MSL2: variants seen among roughly 807,000 people sequenced by gnomAD.
MSL2 encodes the protein E3 ubiquitin-protein ligase MSL2.
In MSL2, 2 loss-of-function variants were observed where a neutral mutation model predicts 35.8. The observed-to-expected ratio is 0.06, with a 90% CI of 0.02 to 0.18. The LOEUF (loss-of-function observed/expected upper bound fraction) is 0.18, where lower values mean the gene tolerates loss of function less well. Among genes scored for constraint, MSL2 ranks in the 10% least tolerant of loss-of-function variants. The pLI, the probability that MSL2 is intolerant of heterozygous loss-of-function variation, is 1.00. For missense variants in MSL2, 523 were observed against 706.7 expected (o/e 0.74, Z 2.95); for synonymous variants, 296 against 255.7 (o/e 1.16, Z -1.50).
In MSL2 at chr3:136,151,715, G is replaced by A. The variant is rs955219097; in HGVS notation, c.1166C>T (p.Pro389Leu). The change falls in exon 2 of 2, where the codon CCC becomes CTC. Residue 389 changes from proline to leucine, a missense_variant. Pro to Leu is a moderately conservative substitution (Grantham distance 98). Coordinates refer to ENST00000309993, the MANE Select transcript of MSL2 (RefSeq NM_018133.4). This position sits in a 1 kb window ranked among gnomAD's most constrained non-coding sequence, Gnocchi z 5.2. ...GATTTTAGGTGTTGTGCCTCCATTG[G>A]GAACAGTTGCTATAGGTTGAAGAGA... The part of the protein sequence containing the change: ...KISLQPIATV[P>L]NGGTTPKISK... The A allele has an allele frequency of 6.2e-7, 1 of 1,614,060 alleles. No individual in the cohort carries two copies.
chr3:136,164,262 G>A (rs796824356), intron 1 of MSL2, among the ~76,000 whole-genome samples: 100 of 152,202 alleles, frequency 6.6e-4, no homozygotes, highest in African/African-American at 2.3e-3. Flanking sequence ...CAAAACCTCC[G>A]CTAACCATGG....
chr3:136,170,576 G>C (rs934436936), intron 1 of MSL2, among the ~76,000 whole-genome samples: 1 of 142,560 alleles, frequency 7.0e-6, no homozygotes, highest in Non-Finnish European at 1.5e-5. Flanking sequence ...GTGCAGTGGC[G>C]TGATCTCGGC....
intron 1 of MSL2, among the ~76,000 whole-genome samples, chr3:136,165,259 T>C (rs1321264938): frequency 6.7e-6 from 1 of 149,816 alleles, no homozygotes; most frequent in Non-Finnish European, 1.5e-5. Flanking sequence ...TTATCTGCAA[T>C]ATTTCACGAT....
At chr3:136,173,782 C>T (rs1377087835) in intron 1 of MSL2, among the ~76,000 whole-genome samples, 2 of 152,166 alleles carry the variant, frequency 1.3e-5, no homozygotes, top group Non-Finnish European at 2.9e-5. Flanking sequence ...AATCCAAAGA[C>T]TTTGGAATGA....
chr3:136,195,666 C>A lies in MSL2; in HGVS notation c.-553G>T, dbSNP rs887107437. ...GCTTCCCGGATCTAGTGCAAGACGCCGCGGCGGCGACGAAGGTTGATGTTG... is the reference window on the plus strand; with the variant it reads ...GCTTCCCGGATCTAGTGCAAGACGCAGCGGCGGCGACGAAGGTTGATGTTG... On this transcript the variant is annotated 5_prime_UTR_variant, in exon 1 of 2. Transcript: ENST00000309993. The A allele has an allele frequency of 1.0e-6, 1 of 979,886 alleles. No homozygotes were observed. Among genetic ancestry groups the A allele is most frequent in the Non-Finnish European group, 1.2e-6 (1 of 824,798 alleles). The allele number at this position is 979,886 out of a possible 1,614,324, so 60.7% of individuals were successfully genotyped here.
chr3:136,167,915 A>G (rs1939897206), intron 1 of MSL2, among the ~76,000 whole-genome samples: 1 of 152,226 alleles, frequency 6.6e-6, no homozygotes, highest in Non-Finnish European at 1.5e-5. Flanking sequence ...GGCATCCTAC[A>G]AAAGACAGGA....
At chr3:136,158,989 A>G (rs1043971024) in intron 1 of MSL2, among the ~76,000 whole-genome samples, 1 of 152,238 alleles carries the variant, frequency 6.6e-6, no homozygotes, top group Non-Finnish European at 1.5e-5. Flanking sequence ...TTAGAAGACT[A>G]CCAATATATT....
intron 1 of MSL2, among the ~76,000 whole-genome samples, chr3:136,162,091 A>G (rs1939721913): frequency 6.6e-6 from 1 of 151,654 alleles, no homozygotes; most frequent in African/African-American, 2.4e-5. Context: ...GGTGCCCGCC[A>G]CCACGCCTGG....
intron 1 of MSL2, among the ~76,000 whole-genome samples, chr3:136,165,453 A>T (rs538227085): frequency 3.8e-4 from 58 of 152,196 alleles, no homozygotes; most frequent in Non-Finnish European, 7.6e-4. Flanking sequence ...CAAGTCAGTC[A>T]ATTTTAAATT....
chr3:136,179,487 G>A (rs1224527410), intron 1 of MSL2, among the ~76,000 whole-genome samples: 1 of 152,204 alleles, frequency 6.6e-6, no homozygotes, highest in African/African-American at 2.4e-5. Flanking sequence ...AGCGAGGAAT[G>A]TGTATTTTGT....
chr3:136,166,108 G>A (rs1313376822), intron 1 of MSL2, among the ~76,000 whole-genome samples: 1 of 147,030 alleles, frequency 6.8e-6, no homozygotes, highest in Non-Finnish European at 1.5e-5. Context: ...AAAAAACTGG[G>A]CCAGGCACGA....
rs763194878 is a variant in MSL2 at position 136,151,164 on chromosome 3, T to C, written c.1717A>G (p.Met573Val). ...CCACTGATTTAACAGTCGAATCTCA[T>C]GTCTATAGCTTCATCCAAACTTTTA... is the stretch of plus-strand genomic sequence containing the variant. Reference protein sequence around the residue: ...DDKSLDEAIDMRFDC With the variant: ...DDKSLDEAIDVRFDC The change falls in exon 2 of 2, where the codon ATG (methionine) becomes GTG (valine). Residue 573 changes from methionine (M) to valine (V), a missense_variant. Transcript: ENST00000309993. The surrounding 1 kb of genome is among the most constrained non-coding windows in gnomAD (Gnocchi z 5.2). 2.5e-6 allele frequency: 4 copies of C among 1,611,930 alleles called. No individual in the cohort carries two copies. The highest frequency in any genetic ancestry group is 3.4e-6 in the Non-Finnish European group (4 of 1,178,070).
chr3:136,162,918 T>A (rs1047980484), intron 1 of MSL2, among the ~76,000 whole-genome samples: 5 of 152,006 alleles, frequency 3.3e-5, no homozygotes, highest in African/African-American at 2.4e-5. Flanking sequence ...TACAAAAGTG[T>A]TAGTGCATAC....
intron 1 of MSL2, among the ~76,000 whole-genome samples, chr3:136,175,613 G>C (rs1218306788): frequency 1.1e-4 from 16 of 152,180 alleles, no homozygotes; most frequent in Non-Finnish European, 1.5e-5. Flanking sequence ...TTAGAGTCCA[G>C]GAGTTCGAGG....
intron 1 of MSL2, among the ~76,000 whole-genome samples, chr3:136,192,290 G>C (rs890523966): frequency 1.1e-4 from 16 of 152,042 alleles, no homozygotes; most frequent in Admixed American, 9.2e-4. Flanking sequence ...TCTGGAGATC[G>C]GCCTCAGCCT....
intron 1 of MSL2, among the ~76,000 whole-genome samples, chr3:136,169,605 C>T (rs1939960467): frequency 2.0e-5 from 3 of 152,002 alleles, no homozygotes; most frequent in East Asian, 2.0e-4. Flanking sequence ...CACACCACCA[C>T]GCCCAGCTAA....
rs182603207 is a variant in MSL2, at chr3:136,155,944, G to A, written c.143-3206C>T. The A allele has an allele frequency of 1.5e-4, 77 of 513,692 alleles. No individual in the cohort carries two copies. In the Middle Eastern group the frequency reaches 2.0e-3, roughly 13 times the overall value. The allele number at this position is 513,692 out of a possible 1,614,324, so 31.8% of individuals were successfully genotyped here. On this transcript the variant is annotated intron_variant, in intron 1 of 1. Coordinates refer to ENST00000309993, the MANE Select transcript of MSL2 (RefSeq NM_018133.4). ...TTTCCAATACTCCAGAACTACTACT[G>A]TCTGCATGTACCACTCTTATGCTTT...
In MSL2 at chr3:136,195,592, T is replaced by C. The variant is rs926924403; in HGVS notation, c.-479A>G. 4.0e-5 allele frequency: 39 copies of C among 986,952 alleles called. No homozygotes were observed. The highest frequency in any genetic ancestry group is 4.5e-5 in the Non-Finnish European group (37 of 831,146). The allele number at this position is 986,952 out of a possible 1,614,324, so 61.1% of individuals were successfully genotyped here. On this transcript the variant is annotated 5_prime_UTR_variant, in exon 1 of 2. Transcript: ENST00000309993. ...TGCAGGGCCTCTTACTCCATCCCAG[T>C]ACAGGGCGCGGAGGCGGCGGCGACG... is the stretch of plus-strand genomic sequence containing the variant.
chr3:136,194,662 G>GGA (rs1940785453), intron 1 of MSL2: 3 of 183,502 alleles, frequency 1.6e-5, no homozygotes, highest in African/African-American at 3.5e-5. Flanking sequence ...AAAGGTTTAA[G>GGA]AAAAAAAAAA....
Sources: gnomAD v4.1 joint callset for allele counts (sites outside exome capture counted in the v4.1 genomes callset) on GRCh38, gnomAD v4.1.1 for gene constraint, Gnocchi (gnomAD v3.1) non-coding constraint, MANE v1.5 for transcripts, NCBI Gene and HGNC (gene_info 2026-07-23, HGNC 2026-07-21) for gene names.